HSPD1: variants seen among roughly 807,000 people sequenced by gnomAD.
HSPD1 encodes the protein heat shock protein family D (Hsp60) member 1.
In HSPD1, 3 loss-of-function variants were observed where a neutral mutation model predicts 53.0. The observed-to-expected ratio is 0.06, with a 90% CI of 0.03 to 0.15. The LOEUF is 0.15. Among genes scored for constraint, HSPD1 ranks in the 10% least tolerant of loss-of-function variants. The pLI, the probability that HSPD1 is intolerant of heterozygous loss-of-function variation, is 1.00. For missense variants in HSPD1, 431 were observed against 694.1 expected, an observed-to-expected ratio of 0.62 and a Z score of 4.26; for synonymous variants, 200 against 228.0, an observed-to-expected ratio of 0.88 and a Z score of 1.10.
Position 197,487,843 on chromosome 2 carries a change from T to C in HSPD1, c.1569+15A>G. 1.9e-6 allele frequency: 3 copies of C among 1,603,996 alleles called. No homozygotes were observed. Among genetic ancestry groups the C allele is most frequent in the Non-Finnish European group, 8.5e-7 (1 of 1,170,832 alleles). ...GAACAACAAAAGAATTTTTAGAAAGTGTTCAACCATTTACCTTTGTTGGGT... is the reference window on the plus strand; with the variant it reads ...GAACAACAAAAGAATTTTTAGAAAGCGTTCAACCATTTACCTTTGTTGGGT... On this transcript the variant is annotated intron_variant, in intron 11 of 11. Coordinates refer to ENST00000388968, the MANE Select transcript of HSPD1 (RefSeq NM_002156.5).
chr2:197,495,420 G>A, intron 3 of HSPD1, 44 bp from the exon 4 acceptor site: 1 of 1,176,960 alleles, frequency 8.5e-7, no homozygotes, highest in Non-Finnish European at 1.3e-6. Context: ...TTTCTCTCAT[G>A]GCTTCTATGT....
chr2:197,491,380 T>G (rs2086090497), intron 7 of HSPD1, among the ~76,000 whole-genome samples: 4 of 151,964 alleles, frequency 2.6e-5, no homozygotes, highest in African/African-American at 7.3e-5. Context: ...CAGGATGGTC[T>G]CCATCTCCTG....
intron 2 of HSPD1, among the ~76,000 whole-genome samples, chr2:197,498,307 A>G (rs2086185650): frequency 6.6e-6 from 1 of 152,198 alleles, no homozygotes; most frequent in Admixed American, 6.5e-5. Flanking sequence ...GCACATACCT[A>G]AGGAATTATG....
rs200208246 is a variant in HSPD1 at position 197,495,372 on chromosome 2, C to T, written c.432G>A (p.Val144=). The change falls in exon 4 of 12, where the codon GTG becomes GTA. Residue 144 remains valine, a synonymous_variant. Coordinates refer to ENST00000388968, the MANE Select transcript of HSPD1 (RefSeq NM_002156.5). ...CAATTACAGCATCAACAGCTAACAT[C>T]ACACCTAGTTCAACGATATATGTCA... ...GANPVEIRRG[V]MLAVDAVIAE... The T allele has an allele frequency of 4.4e-6, 7 of 1,594,094 alleles. No homozygotes were observed. In the East Asian group the frequency reaches 1.6e-4, roughly 36 times the overall value.
chr2:197,495,268 A>ATT (rs750450245), intron 4 of HSPD1, 26 bp downstream of exon 4: 2 of 1,441,200 alleles, frequency 1.4e-6, no homozygotes, highest in Non-Finnish European at 2.0e-6. Context: ...TTTTTTTAAA[A>ATT]AACGTGTAAC....
intron 2 of HSPD1, among the ~76,000 whole-genome samples, chr2:197,498,310 G>A (rs1055523789): frequency 5.3e-5 from 8 of 152,100 alleles, no homozygotes; most frequent in Non-Finnish European, 8.8e-5. Flanking sequence ...CATACCTAAG[G>A]AATTATGGAA....
chr2:197,497,562 G>C lies in HSPD1; in HGVS notation c.175-170C>G, dbSNP rs908582522. ...AAGGGCAAGTTTATCGACATTCTTTGTCTACAGACAAAATGACCTGATTCT... is the reference window on the plus strand; with the variant it reads ...AAGGGCAAGTTTATCGACATTCTTTCTCTACAGACAAAATGACCTGATTCT... On this transcript the variant is annotated intron_variant, in intron 2 of 11. Coordinates refer to ENST00000388968, the MANE Select transcript of HSPD1 (RefSeq NM_002156.5). 4 of 659,454 alleles carry C rather than the reference G, an allele frequency of 6.1e-6. No homozygotes were observed. In the African/African-American group the frequency reaches 7.3e-5, roughly 12 times the overall value. 40.9% of individuals were successfully genotyped at this position (659,454 alleles called of 1,614,324 possible).
intron 7 of HSPD1, 119 bp from the exon 8 acceptor site, chr2:197,490,415 G>GT (rs147990270): frequency 2.1e-5 from 15 of 728,722 alleles, no homozygotes; most frequent in Non-Finnish European, 3.3e-5. Context: ...TGGTTTTTGT[G>GT]TTTTTTTGTT....
At chr2:197,493,092 A>G (rs2086114494) in intron 7 of HSPD1, among the ~76,000 whole-genome samples, 1 of 152,192 alleles carries the variant, frequency 6.6e-6, no homozygotes, top group Non-Finnish European at 1.5e-5. Flanking sequence ...CATGTGCTAA[A>G]TTAGTCTATT....
chr2:197,493,383 A>C lies in HSPD1; in HGVS notation c.810T>G (p.Pro270=). Residue 270 remains proline (P), a synonymous_variant, in exon 7 of 12, where the codon CCT becomes CCG. Transcript: ENST00000388968. Reference sequence around the variant, plus strand: ...CAACATCTTCAGCGATTATGACCAAAGGCTTACGGTGAGCATTGGCAATTT... The same window carrying C: ...CAACATCTTCAGCGATTATGACCAACGGCTTACGGTGAGCATTGGCAATTT... ...ALEIANAHRK[P]LVIIAEDVDG... 2 of 1,613,848 alleles carry C rather than the reference A, an allele frequency of 1.2e-6. No homozygotes were observed. Among genetic ancestry groups the C allele is most frequent in the Non-Finnish European group, 1.7e-6 (2 of 1,179,798 alleles).
At position 197,490,557 on chromosome 2, in the gene HSPD1, G is replaced by A. The variant is rs145370125; in HGVS notation, c.870-261C>T. ...TAATAAACTGTTGGCCTGGCCGGGCGTGGTGACTCAGGCCTGTAATCCCGG... is the reference window on the plus strand; with the variant it reads ...TAATAAACTGTTGGCCTGGCCGGGCATGGTGACTCAGGCCTGTAATCCCGG... On this transcript the variant is annotated intron_variant, in intron 7 of 11. Coordinates refer to ENST00000388968, the MANE Select transcript of HSPD1 (RefSeq NM_002156.5). The A allele has an allele frequency of 9.0e-4, 392 of 436,858 alleles. 1 individual carries two copies. Among genetic ancestry groups the A allele is most frequent in the Middle Eastern group, 5.7e-3 (8 of 1,396 alleles). The allele number at this position is 436,858 out of a possible 1,614,324, so 27.1% of individuals were successfully genotyped here.
chr2:197,498,967 G>A, intron 1 of HSPD1, 117 bp from the exon 2 acceptor site: 2 of 873,322 alleles, frequency 2.3e-6, no homozygotes, highest in Admixed American at 2.1e-5. Flanking sequence ...GCTGACCTCC[G>A]CCAGCCACTA....
At chr2:197,500,148 T>G, upstream of HSPD1, 1 of 529,090 alleles carries the variant, frequency 1.9e-6, no homozygotes, top group Non-Finnish European at 3.4e-6. Flanking sequence ...GACGAAGGGG[T>G]AGTTCTTTCA....
intron 7 of HSPD1, 24 bp downstream of exon 7, chr2:197,493,300 T>C (rs757388362): frequency 6.3e-7 from 1 of 1,596,756 alleles, no homozygotes. Flanking sequence ...GAAATATAAA[T>C]CAACAAATAC....
In HSPD1 at chr2:197,486,942, T is replaced by C; in HGVS notation, c.*104A>G. The C allele has an allele frequency of 9.3e-7, 1 of 1,072,608 alleles. No homozygotes were observed. The highest frequency in any genetic ancestry group is 1.3e-5 in the South Asian group (1 of 79,734). The allele number at this position is 1,072,608 out of a possible 1,614,324, so 66.4% of individuals were successfully genotyped here. On this transcript the variant is annotated 3_prime_UTR_variant, in exon 12 of 12. Coordinates refer to ENST00000388968, the MANE Select transcript of HSPD1 (RefSeq NM_002156.5). ...TTATAGTGATTTTCAGCCAGCCTTT[T>C]TCTTCATTTTCTCCAACTGACTTCT...
rs768322713 is a variant in HSPD1 at position 197,493,254 on chromosome 2, G to T, written c.869+70C>A. ...TGTGGAGGTACACATGATGGAAACT[G>T]CAAACAGCAATACAAATAATTCTGT... is the stretch of plus-strand genomic sequence containing the variant. On this transcript the variant is annotated intron_variant, in intron 7 of 11. Coordinates refer to ENST00000388968, the MANE Select transcript of HSPD1 (RefSeq NM_002156.5). The T allele has an allele frequency of 9.2e-4, 1,226 of 1,333,366 alleles. 3 individuals carry two copies. Among genetic ancestry groups the T allele is most frequent in the Middle Eastern group, 2.5e-3 (10 of 4,020 alleles). 82.6% of individuals were successfully genotyped at this position (1,333,366 alleles called of 1,614,324 possible).
chr2:197,494,366 G>T, intron 5 of HSPD1, 116 bp from the exon 6 acceptor site: 1 of 699,172 alleles, frequency 1.4e-6, no homozygotes, highest in Non-Finnish European at 2.6e-6. Context: ...GGTAGAGTAT[G>T]AAACAGCCCA....
At chr2:197,496,514 T>C (rs933195186) in intron 3 of HSPD1, among the ~76,000 whole-genome samples, 11 of 152,152 alleles carry the variant, frequency 7.2e-5, no homozygotes, top group Non-Finnish European at 1.0e-4. Flanking sequence ...TAGATATACA[T>C]AGCAATTCTG....
At chr2:197,492,455 G>A (rs1322018735) in intron 7 of HSPD1, among the ~76,000 whole-genome samples, 1 of 152,108 alleles carries the variant, frequency 6.6e-6, no homozygotes. Flanking sequence ...CTCCCCAAGT[G>A]CTGGGATTAT....
Sources: allele counts gnomAD v4.1 joint callset (sites outside exome capture counted in the v4.1 genomes callset), GRCh38; gene constraint gnomAD v4.1.1; transcripts MANE v1.5; gene names NCBI Gene and HGNC (gene_info 2026-07-23, HGNC 2026-07-21).